VWDE: variants seen among roughly 807,000 people sequenced by gnomAD.
The protein encoded by VWDE is von Willebrand factor D and EGF domains, also known as von Willebrand factor D and EGF domain-containing protein.
Under a neutral mutation model 178.4 loss-of-function variants are expected in VWDE, and 207 were observed. The observed-to-expected ratio is 1.16, with a 90% CI of 1.04 to 1.30. VWDE has a LOEUF of 1.30. Among genes scored for constraint, VWDE ranks in the 50% most tolerant of loss-of-function variants. The probability of loss-of-function intolerance (pLI) is 0.00; values close to 1 mark genes in which losing one functional copy is unlikely to be tolerated. For synonymous variants in VWDE, 738 were observed against 651.4 expected, an observed-to-expected ratio of 1.13 and a Z score of -2.02; for missense variants, 2,287 against 1,901.3, an observed-to-expected ratio of 1.20 and a Z score of -3.77.
intron 19 of VWDE, among the ~76,000 whole-genome samples, chr7:12,349,571 C>A (rs957574627): frequency 6.6e-6 from 1 of 151,128 alleles, no homozygotes; most frequent in Non-Finnish European, 1.5e-5. Flanking sequence ...TAAAGGCAAA[C>A]CACAGAGATA....
At chr7:12,339,565 G>A (rs1781215812) in intron 24 of VWDE, among the ~76,000 whole-genome samples, 1 of 151,978 alleles carries the variant, frequency 6.6e-6, no homozygotes, top group African/African-American at 2.4e-5. Flanking sequence ...AAGAATCCTA[G>A]CCAACATCCA....
intron 27 of VWDE, 139 bp from the exon 28 acceptor site, chr7:12,333,707 G>A (rs1780859036): frequency 1.7e-6 from 1 of 604,234 alleles, no homozygotes; most frequent in East Asian, 2.9e-5. Flanking sequence ...ATCAATGAAT[G>A]GATCTAATCT....
intron 1 of VWDE, among the ~76,000 whole-genome samples, chr7:12,398,522 A>G (rs1784730950): frequency 6.6e-6 from 1 of 152,102 alleles, no homozygotes. Flanking sequence ...CTTCCCTGCT[A>G]TATAAACCCA....
At chr7:12,356,604 G>C (rs1782266670) in intron 17 of VWDE, among the ~76,000 whole-genome samples, 1 of 152,136 alleles carries the variant, frequency 6.6e-6, no homozygotes, top group Admixed American at 6.5e-5. Context: ...TTTCTGTCAT[G>C]CAAGTAGAAC....
At chr7:12,342,773 C>T (rs1049581515) in intron 22 of VWDE, among the ~76,000 whole-genome samples, 1 of 151,762 alleles carries the variant, frequency 6.6e-6, no homozygotes, top group East Asian at 1.9e-4. Context: ...TGCTGGTGTG[C>T]TGCACCCATC....
At chr7:12,377,083 C>CT (rs1205941589) in intron 7 of VWDE, among the ~76,000 whole-genome samples, 1 of 152,186 alleles carries the variant, frequency 6.6e-6, no homozygotes, top group East Asian at 1.9e-4. Flanking sequence ...TTTTATGTAT[C>CT]TGTAACTTGC....
In VWDE at chr7:12,356,220, G is replaced by A. The variant is rs538197711; in HGVS notation, c.3636C>T (p.Gly1212=). The A allele has an allele frequency of 1.2e-5, 18 of 1,551,576 alleles. No individual in the cohort carries two copies. The East Asian group carries it at 2.9e-4, about 25-fold the overall frequency. ...YLCVCLPGFH[G]SLCEVDISGC... is the part of the protein sequence containing the mutation. ...CACTAATGTCCACTTCACAAAGGCTGCCATGGAAGCCAGGCAAGCAGACAC... is the reference window on the plus strand; with the variant it reads ...CACTAATGTCCACTTCACAAAGGCTACCATGGAAGCCAGGCAAGCAGACAC... The change falls in exon 18 of 29, where the codon GGC becomes GGT. Residue 1212 remains glycine (G), a synonymous_variant. Transcript: ENST00000275358.
At chr7:12,346,697 G>A (rs1472252916) in intron 19 of VWDE, among the ~76,000 whole-genome samples, 1 of 151,960 alleles carries the variant, frequency 6.6e-6, no homozygotes. Context: ...CTTTGGTATG[G>A]AAAAATCTAA....
intron 10 of VWDE, 127 bp downstream of exon 10, chr7:12,372,850 G>A (rs1783280863): frequency 1.1e-6 from 1 of 870,426 alleles, no homozygotes; most frequent in African/African-American, 1.7e-5. Context: ...CTAAGATGAT[G>A]GTTAATATAA....
chr7:12,402,804 G>A (rs1035827549), intron 1 of VWDE, among the ~76,000 whole-genome samples: 3 of 151,888 alleles, frequency 2.0e-5, no homozygotes, highest in African/African-American at 4.8e-5. Context: ...ACTTACATCA[G>A]TAAAATGAGT....
At chr7:12,394,670 A>G (rs769904847) in intron 1 of VWDE, among the ~76,000 whole-genome samples, 5 of 152,152 alleles carry the variant, frequency 3.3e-5, no homozygotes, top group Non-Finnish European at 7.4e-5. Context: ...GTATTTGAAT[A>G]CCAGAGTATC....
At chr7:12,355,529 A>G (rs1782193365) in intron 18 of VWDE, among the ~76,000 whole-genome samples, 1 of 152,148 alleles carries the variant, frequency 6.6e-6, no homozygotes, top group African/African-American at 2.4e-5. Flanking sequence ...TTAACTATAT[A>G]TTTACTTATT....
rs766874820 is a variant in VWDE, at chr7:12,370,370, T to C, written c.1936A>G (p.Ile646Val). 1.7e-5 allele frequency: 27 copies of C among 1,550,870 alleles called. No homozygotes were observed. In the South Asian group the frequency reaches 2.6e-4, roughly 15 times the overall value. ...EDLDSVSRSE[I>V]ALGCKDLNHV... ...TTGAGGTCTTTGCAACCCAAGGCAA[T>C]TTCTGATCGAGAAACACTGTCCAGA... The change falls in exon 12 of 29, where the codon ATT becomes GTT. Residue 646 changes from isoleucine to valine, a missense_variant. Physicochemically the swap from Ile to Val is conservative, Grantham distance 29. Coordinates refer to ENST00000275358, the MANE Select transcript of VWDE (RefSeq NM_001135924.3).
intron 1 of VWDE, among the ~76,000 whole-genome samples, chr7:12,395,795 G>C (rs1784594279): frequency 6.6e-6 from 1 of 151,944 alleles, no homozygotes; most frequent in Non-Finnish European, 1.5e-5. Context: ...TCCAACCTTA[G>C]CTCTAGAATG....
In VWDE at chr7:12,369,398, A is replaced by G. The variant is rs1018409470; in HGVS notation, c.2761+147T>C. Reference sequence around the variant, plus strand: ...TAAGATGAGATGCTGTTGGAAAGTTAGTAATGTGTTCATTAATATGATTTG... The same window carrying G: ...TAAGATGAGATGCTGTTGGAAAGTTGGTAATGTGTTCATTAATATGATTTG... On this transcript the variant is annotated intron_variant, in intron 12 of 28. Coordinates refer to ENST00000275358, the MANE Select transcript of VWDE (RefSeq NM_001135924.3). 5.7e-6 allele frequency: 6 copies of G among 1,055,908 alleles called. No individual in the cohort carries two copies. The African/African-American group carries it at 9.7e-5, about 17-fold the overall frequency. 65.4% of individuals were successfully genotyped at this position (1,055,908 alleles called of 1,614,324 possible).
rs1029901552 is a variant in VWDE, at chr7:12,357,429, C to G, written c.3361G>C (p.Asp1121His). The G allele has an allele frequency of 6.4e-7, 1 of 1,551,916 alleles. No individual in the cohort carries two copies. Among genetic ancestry groups the G allele is most frequent in the Admixed American group, 2.0e-5 (1 of 50,986 alleles). Residue 1121 changes from aspartate to histidine, a missense_variant, in exon 17 of 29, where the codon GAT (aspartate) becomes CAT (histidine). By Grantham distance (81) the Asp-to-His change is moderately conservative. Coordinates refer to ENST00000275358, the MANE Select transcript of VWDE (RefSeq NM_001135924.3). ...AAATGGATGTCAGAACCTTCTGGAT[C>G]GAAGGCCACGAACTGATACTCAAAG... ...ENFEYQFVAFDPEGSDIHFTL... is the reference protein window; with the variant it reads ...ENFEYQFVAFHPEGSDIHFTL...
intron 5 of VWDE, among the ~76,000 whole-genome samples, chr7:12,379,983 A>T (rs10229433): frequency 6.6e-6 from 1 of 151,538 alleles, no homozygotes; most frequent in African/African-American, 2.4e-5. Flanking sequence ...CTGTAGTCCC[A>T]GCTACTCAGG....
At chr7:12,385,999 T>C (rs145279668) in intron 3 of VWDE, among the ~76,000 whole-genome samples, 99 of 152,282 alleles carry the variant, frequency 6.5e-4, no homozygotes, top group African/African-American at 2.3e-3. Context: ...TGTTTTTAAA[T>C]TCAGTGTAAA....
intron 18 of VWDE, among the ~76,000 whole-genome samples, chr7:12,354,876 G>T (rs767299676): frequency 1.3e-5 from 2 of 152,118 alleles, no homozygotes; most frequent in Non-Finnish European, 2.9e-5. Flanking sequence ...AAATTGTTTA[G>T]TCTAGTTATA....
Sources: allele counts gnomAD v4.1 joint callset (sites outside exome capture counted in the v4.1 genomes callset), GRCh38; gene constraint gnomAD v4.1.1; transcripts MANE v1.5; gene names NCBI Gene and HGNC (gene_info 2026-07-23, HGNC 2026-07-21).